Variants in MAPK10 observed in about 807,000 individuals in gnomAD.
MAPK10 encodes JNK3 alpha protein kinase.
A neutral mutation model predicts 59.3 loss-of-function variants in MAPK10; 25 were observed. The observed-to-expected ratio is 0.42, with a 90% CI of 0.31 to 0.59. MAPK10 has a LOEUF of 0.59. Ranked by LOEUF, MAPK10 falls within the 20% of genes least tolerant of loss-of-function variation. The pLI, the probability that MAPK10 is intolerant of heterozygous loss-of-function variation, is 0.15. For synonymous variants in MAPK10, 190 were observed against 200.5 expected, an observed-to-expected ratio of 0.95 and a Z score of 0.44; for missense variants, 351 against 568.9, an observed-to-expected ratio of 0.62 and a Z score of 3.90.
intron 1 of MAPK10, among the ~76,000 whole-genome samples, chr4:86,465,751 C>T (rs1342777985): frequency 6.6e-6 from 1 of 152,126 alleles, no homozygotes; most frequent in South Asian, 2.1e-4. Context: ...GAGCCAGATG[C>T]CGAGGAAGAG....
chr4:86,154,561 A>C (rs2067231615), intron 4 of MAPK10, among the ~76,000 whole-genome samples: 1 of 152,086 alleles, frequency 6.6e-6, no homozygotes, highest in Non-Finnish European at 1.5e-5. Context: ...TTGTTAAGAA[A>C]AAGTATCATA....
chr4:86,391,546 T>G (rs1742184908), intron 1 of MAPK10, among the ~76,000 whole-genome samples: 1 of 152,180 alleles, frequency 6.6e-6, no homozygotes, highest in African/African-American at 2.4e-5. Context: ...ATCAGAGACC[T>G]GATTCTATGG....
At chr4:86,387,789 T>G (rs1003279288) in intron 1 of MAPK10, among the ~76,000 whole-genome samples, 6 of 152,016 alleles carry the variant, frequency 3.9e-5, no homozygotes, top group African/African-American at 7.2e-5. Flanking sequence ...TTTTTCCAGG[T>G]TTTTTAGCCC....
intron 3 of MAPK10, among the ~76,000 whole-genome samples, chr4:86,185,185 G>A (rs1184432707): frequency 1.3e-5 from 2 of 152,166 alleles, no homozygotes; most frequent in African/African-American, 2.4e-5. Context: ...AAAAAATCTG[G>A]TTCATGTGCA....
chr4:86,553,740 A>G (rs1760040935), intron 1 of MAPK10, among the ~76,000 whole-genome samples: 1 of 152,070 alleles, frequency 6.6e-6, no homozygotes, highest in Admixed American at 6.6e-5. Context: ...GCCTACATTC[A>G]ATTTGTAGGA....
intron 1 of MAPK10, among the ~76,000 whole-genome samples, chr4:86,443,701 C>T (rs6531928): frequency 0.97 from 148,433 of 152,294 alleles, 72,459 homozygotes; most frequent in East Asian, 1. Context: ...CAGTACATCA[C>T]GTCCACCTTT....
intron 11 of MAPK10, among the ~76,000 whole-genome samples, chr4:86,044,955 G>T (rs186891342): frequency 6.6e-6 from 1 of 152,202 alleles, no homozygotes; most frequent in Admixed American, 6.6e-5. Context: ...AATGCGAAAA[G>T]CATGGAATTA....
At chr4:86,141,244 G>A (rs10027764) in intron 4 of MAPK10, among the ~76,000 whole-genome samples, 1 of 152,160 alleles carries the variant, frequency 6.6e-6, no homozygotes, top group Non-Finnish European at 1.5e-5. Context: ...CATGACACTG[G>A]TATCTTACAA....
intron 4 of MAPK10, among the ~76,000 whole-genome samples, chr4:86,132,096 A>G (rs1268470534): frequency 6.6e-6 from 1 of 152,212 alleles, no homozygotes; most frequent in African/African-American, 2.4e-5. Context: ...CTATTCATAC[A>G]TATATGAAAC....
At chr4:86,247,991 GAC>G (rs1322311749) in intron 2 of MAPK10, among the ~76,000 whole-genome samples, 3 of 152,166 alleles carry the variant, frequency 2.0e-5, no homozygotes, top group Non-Finnish European at 4.4e-5. Flanking sequence ...CAAGTAGCTG[GAC>G]ACTTTTCTTC....
chr4:86,072,920 G>A (rs1369427925), intron 9 of MAPK10, among the ~76,000 whole-genome samples: 1 of 63,998 alleles, frequency 1.6e-5, no homozygotes, highest in Non-Finnish European at 2.9e-5. Context: ...AATGAGTTAG[G>A]GAGGATTCCC....
At position 86,058,349 on chromosome 4, in the gene MAPK10, C is replaced by T. The variant is rs1162593522; in HGVS notation, c.1110+5917G>A. On this transcript the variant is annotated intron_variant, in intron 11 of 13. Coordinates refer to ENST00000641462, the MANE Select transcript of MAPK10 (RefSeq NM_138982.4). ...TTTGCCCACAGATGCTGTCCTCCCC[C>T]TTTCTTTAGTTGCTCTTTTTCTCAG... Among the ~76,000 whole-genome samples, 7 of 149,444 alleles carry T rather than the reference C, an allele frequency of 4.7e-5. 1 individual carries two copies. The highest frequency in any genetic ancestry group is 1.3e-4 in the Admixed American group (2 of 15,076).
intron 1 of MAPK10, among the ~76,000 whole-genome samples, chr4:86,375,204 A>T (rs1739592966): frequency 6.6e-6 from 1 of 152,212 alleles, no homozygotes; most frequent in Non-Finnish European, 1.5e-5. Context: ...ATACACACAC[A>T]TATCATAGTC....
intron 4 of MAPK10, among the ~76,000 whole-genome samples, chr4:86,141,300 T>A (rs2063592148): frequency 6.6e-6 from 1 of 152,210 alleles, no homozygotes; most frequent in Admixed American, 6.5e-5. Context: ...GATAGTTAAC[T>A]GCTGAACAAG....
intron 1 of MAPK10, among the ~76,000 whole-genome samples, chr4:86,533,089 G>A (rs531681324): frequency 6.6e-6 from 1 of 151,904 alleles, no homozygotes; most frequent in Non-Finnish European, 1.5e-5. Context: ...AGGAATATAA[G>A]TAGAGCACCA....
At chr4:86,514,725 G>T (rs1280907984) in intron 1 of MAPK10, among the ~76,000 whole-genome samples, 1 of 152,204 alleles carries the variant, frequency 6.6e-6, no homozygotes, top group Non-Finnish European at 1.5e-5. Flanking sequence ...GCTAGTCAAA[G>T]AAAAGTTTCA....
chr4:86,424,005 T>C (rs1049202367), intron 1 of MAPK10, among the ~76,000 whole-genome samples: 5 of 151,870 alleles, frequency 3.3e-5, no homozygotes, highest in Non-Finnish European at 7.4e-5. Context: ...GTAGAAGAAG[T>C]GCCTGTAAGA....
intron 1 of MAPK10, among the ~76,000 whole-genome samples, chr4:86,582,120 G>A (rs116486278): frequency 0.047 from 7,053 of 151,112 alleles, 223 homozygotes; most frequent in African/African-American, 0.061. Context: ...ACAAGAAATC[G>A]TTTATTGTTT....
intron 1 of MAPK10, among the ~76,000 whole-genome samples, chr4:86,479,837 A>G (rs369855428): frequency 4.6e-5 from 7 of 152,210 alleles, no homozygotes; most frequent in South Asian, 4.2e-4. Context: ...TAATTCTATA[A>G]GACAAATGTT....
Sources: gnomAD v4.1 joint callset for allele counts (sites outside exome capture counted in the v4.1 genomes callset) on GRCh38, gnomAD v4.1.1 for gene constraint, MANE v1.5 for transcripts, NCBI Gene and HGNC (gene_info 2026-07-23, HGNC 2026-07-21) for gene names.